FCGR3B: variants seen among roughly 807,000 people sequenced by gnomAD.
FCGR3B encodes Fc gamma receptor IIIb, also known as low affinity immunoglobulin gamma Fc region receptor III-B.
A neutral mutation model predicts 26.7 loss-of-function variants in FCGR3B; 20 were observed. The ratio of observed to expected loss-of-function variants is 0.75; its 90% CI spans 0.53 to 1.09. FCGR3B has a LOEUF of 1.09. Among genes scored for constraint, FCGR3B ranks in the 50% least tolerant of loss-of-function variants. The probability of loss-of-function intolerance (pLI) is 0.00; values close to 1 mark genes in which losing one functional copy is unlikely to be tolerated. For missense variants in FCGR3B, 191 were observed against 279.7 expected (o/e 0.68, Z 2.26); for synonymous variants, 79 against 107.0 (o/e 0.74, Z 1.62).
chr1:161,623,527 G>A lies in FCGR3B; in HGVS notation c.*988C>T, dbSNP rs908718677. Reference sequence around the variant, plus strand: ...TTGAAGCAGAAAAGGTGGTTTTACAGTCCCTGCATTAACCTCTAATTCTTA... The same window carrying A: ...TTGAAGCAGAAAAGGTGGTTTTACAATCCCTGCATTAACCTCTAATTCTTA... On this transcript the variant is annotated 3_prime_UTR_variant, in exon 5 of 5. Coordinates refer to ENST00000650385, the MANE Select transcript of FCGR3B (RefSeq NM_001244753.2). The A allele has an allele frequency of 6.7e-6, 1 of 149,620 alleles. No individual in the cohort carries two copies. Among genetic ancestry groups the A allele is most frequent in the African/African-American group, 2.5e-5 (1 of 40,044 alleles). The allele number at this position is 149,620 out of a possible 1,614,324, so 9.3% of individuals were successfully genotyped here.
chr1:161,631,278 C>T (rs1570989530), upstream of FCGR3B: 1 of 1,426,136 alleles, frequency 7.0e-7, no homozygotes, highest in Non-Finnish European at 9.5e-7. Context: ...TGGAGCCCCA[C>T]CATAGAACAG....
intron 4 of FCGR3B, 51 bp from the exon 5 acceptor site, chr1:161,624,690 T>C: frequency 1.3e-6 from 2 of 1,535,024 alleles, no homozygotes; most frequent in Non-Finnish European, 1.8e-6. Context: ...CTAAGGCAGA[T>C]ATTTGGAACA....
At chr1:161,630,775 C>T (rs1570988466) in intron 1 of FCGR3B, 1 of 619,938 alleles carries the variant, frequency 1.6e-6, no homozygotes, top group Non-Finnish European at 2.6e-6. Flanking sequence ...GAGACAGACC[C>T]TAGGGACCAT....
At chr1:161,624,749 G>A (rs1301069634) in intron 4 of FCGR3B, 110 bp from the exon 5 acceptor site, 2 of 1,017,610 alleles carry the variant, frequency 2.0e-6, no homozygotes, top group African/African-American at 1.7e-5. Flanking sequence ...CAACAGGCAA[G>A]TGGTAGGAAT....
intron 3 of FCGR3B, among the ~76,000 whole-genome samples, chr1:161,627,013 C>T (rs965308853): frequency 6.7e-6 from 1 of 149,864 alleles, no homozygotes; most frequent in African/African-American, 2.5e-5. Flanking sequence ...CACAGGGCCT[C>T]GGTGAGACCA....
At chr1:161,631,487 G>A, upstream of FCGR3B, 2 of 481,418 alleles carry the variant, frequency 4.2e-6, no homozygotes. Context: ...CTGGGGATGA[G>A]ATTCAAGGTG....
Position 161,629,818 on chromosome 1 carries a change from G to A in FCGR3B, c.279C>T (p.Leu93=). The part of the protein sequence containing the change: ...DSGEYRCQTN[L]STLSDPVQLE... ...GCTGCACCGGGTCACTGAGGGTGGA[G>A]AGGTTTGTCTGGCACCTGTACTCTC... The change falls in exon 3 of 5, where the codon CTC becomes CTT. Residue 93 remains leucine, a synonymous_variant. Coordinates refer to ENST00000650385, the MANE Select transcript of FCGR3B (RefSeq NM_001244753.2). The A allele has an allele frequency of 2.1e-6, 3 of 1,406,642 alleles. No individual in the cohort carries two copies. Among genetic ancestry groups the A allele is most frequent in the Non-Finnish European group, 2.8e-6 (3 of 1,069,456 alleles). 87.1% of individuals were successfully genotyped at this position (1,406,642 alleles called of 1,614,324 possible).
chr1:161,626,349 G>T lies in FCGR3B; in HGVS notation c.373C>A (p.His125Asn), dbSNP rs1273766774. The change falls in exon 4 of 5, where the codon CAC (histidine) becomes AAC (asparagine). Residue 125 changes from histidine to asparagine, a missense_variant. Around this residue, in one of 2 missense-constraint regions of FCGR3B, gnomAD observed 88 missense variants for 165.2 expected, o/e 0.53. Transcript: ENST00000650385. ...TTCTTCCAGCTGTGACACCTCAGGT[G>T]AATAGGGTCTTCCTCCTTGAACACC... ...RWVFKEEDPI[H>N]LRCHSWKNTA... The T allele has an allele frequency of 3.1e-6, 5 of 1,608,690 alleles. No homozygotes were observed. The African/African-American group carries it at 5.4e-5, about 18-fold the overall frequency.
chr1:161,631,058 G>T lies in FCGR3B; in HGVS notation c.37C>A (p.Leu13Ile). The change falls in exon 1 of 5, where the codon CTA (leucine) becomes ATA (isoleucine). Residue 13 changes from leucine to isoleucine, a missense_variant. By Grantham distance (5) the Leu-to-Ile change is conservative. This residue lies in a region of FCGR3B where 88 missense variants were observed against 165.2 expected (regional missense o/e 0.53). Transcript: ENST00000650385. ...QLLLPTALLL[L>I]VSAGMRTEDL... is the part of the protein sequence containing the mutation. ...AACCAGGGAGATCCTGACTTACCTA[G>T]AAGTAGCAGAGCAGTTGGGAGGAGC... 6.2e-7 allele frequency: 1 copy of T among 1,605,828 alleles called. No homozygotes were observed.
intron 4 of FCGR3B, 44 bp downstream of exon 4, chr1:161,626,101 A>T (rs1557881430): frequency 1.3e-6 from 2 of 1,593,902 alleles, no homozygotes; most frequent in Non-Finnish European, 1.7e-6. Context: ...TGCAGGTTCC[A>T]CACACAGGCG....
chr1:161,627,038 C>A (rs1438926203), intron 3 of FCGR3B, among the ~76,000 whole-genome samples: 2 of 149,976 alleles, frequency 1.3e-5, no homozygotes, highest in Non-Finnish European at 3.0e-5. Flanking sequence ...TATTACTGAG[C>A]ATGGCCTTCA....
Position 161,631,067 on chromosome 1 carries a change from G to A in FCGR3B, c.28C>T (p.Leu10=). The change falls in exon 1 of 5, where the codon CTG becomes TTG. Residue 10 remains leucine (L), a synonymous_variant. Transcript: ENST00000650385. ...GATCCTGACTTACCTAGAAGTAGCA[G>A]AGCAGTTGGGAGGAGCAGCTGCCAC... The part of the protein sequence containing the change: MWQLLLPTA[L]LLLVSAGMRT... 1 of 1,606,458 alleles carries A rather than the reference G, an allele frequency of 6.2e-7. No individual in the cohort carries two copies. The highest frequency in any genetic ancestry group is 1.1e-5 in the South Asian group (1 of 90,136).
intron 1 of FCGR3B, 38 bp from the exon 2 acceptor site, chr1:161,630,426 G>A (rs750098342): frequency 6.3e-7 from 1 of 1,592,338 alleles, no homozygotes; most frequent in Non-Finnish European, 8.6e-7. Context: ...TTGAGTAGGG[G>A]CAGAGATCAG....
In FCGR3B at chr1:161,630,883, T is replaced by C. The variant is rs1679713509; in HGVS notation, c.40+172A>G. On this transcript the variant is annotated intron_variant, in intron 1 of 4. Coordinates refer to ENST00000650385, the MANE Select transcript of FCGR3B (RefSeq NM_001244753.2). ...ACTATGACCCAATTGGAACCAGCAT[T>C]CTCCTCATTTCTAGCCCCATCTTGG... is the stretch of plus-strand genomic sequence containing the variant. 7.1e-6 allele frequency: 10 copies of C among 1,414,594 alleles called. 2 individuals are homozygous for C. The South Asian group carries it at 1.4e-4, about 20-fold the overall frequency. 87.6% of individuals were successfully genotyped at this position (1,414,594 alleles called of 1,614,324 possible). A position where few individuals can be genotyped will look rare whatever the true frequency, so the allele number is the denominator to read the frequency against.
rs1570978121 is a variant in FCGR3B, at chr1:161,623,697, G to A, written c.*818C>T. On this transcript the variant is annotated 3_prime_UTR_variant, in exon 5 of 5. Transcript: ENST00000650385. ...AACTTGAGACAGTGACACAGGGTTT[G>A]TTCTGTACTTTCTTTTCCACCCCAC... 6.7e-6 allele frequency: 1 copy of A among 148,814 alleles called. No individual in the cohort carries two copies. Among genetic ancestry groups the A allele is most frequent in the Non-Finnish European group, 1.5e-5 (1 of 67,464 alleles). 9.2% of individuals were successfully genotyped at this position (148,814 alleles called of 1,614,324 possible).
Position 161,624,466 on chromosome 1 carries a change from G to A in FCGR3B, c.*49C>T, listed in dbSNP as rs1256749621. 1 of 1,588,194 alleles carries A rather than the reference G, an allele frequency of 6.3e-7. No individual in the cohort carries two copies. Among genetic ancestry groups the A allele is most frequent in the East Asian group, 2.2e-5 (1 of 44,590 alleles). On this transcript the variant is annotated 3_prime_UTR_variant, in exon 5 of 5. Transcript: ENST00000650385. The stretch of plus-strand genomic sequence containing the variant: ...TGGGATGGGGGTCATGTGTCTTGAG[G>A]GTCCTTTCTCCATTTAAGTTTATGG...
At chr1:161,626,997 A>C (rs988023067) in intron 3 of FCGR3B, among the ~76,000 whole-genome samples, 1 of 149,930 alleles carries the variant, frequency 6.7e-6, no homozygotes, top group Non-Finnish European at 1.5e-5. Flanking sequence ...GTGGTTTCTA[A>C]GGTGTCACAG....
intron 3 of FCGR3B, among the ~76,000 whole-genome samples, chr1:161,629,107 C>T (rs1268114033): frequency 9.2e-6 from 1 of 108,222 alleles, no homozygotes; most frequent in African/African-American, 3.4e-5. Flanking sequence ...GATTGAGGTC[C>T]TAACACCAAA....
At chr1:161,631,505 C>A (rs61803028), upstream of FCGR3B, 53,034 of 472,380 alleles carry the variant, frequency 0.11, 4,849 homozygotes, top group Middle Eastern at 0.15. Flanking sequence ...GTGGGAGGAG[C>A]ATTCTCTGAG....
Sources: gnomAD v4.1 joint callset for allele counts (sites outside exome capture counted in the v4.1 genomes callset) on GRCh38, gnomAD v4.1.1 for gene constraint, gnomAD v4.1.1 regional missense constraint, MANE v1.5 for transcripts, NCBI Gene and HGNC (gene_info 2026-07-23, HGNC 2026-07-21) for gene names.